OCA2: variants seen among roughly 807,000 people sequenced by gnomAD.
The protein encoded by OCA2 is P protein.
Under a neutral mutation model 100.2 loss-of-function variants are expected in OCA2, and 77 were observed. The observed-to-expected ratio is 0.77, with a 90% confidence interval of 0.64 to 0.93. The LOEUF (loss-of-function observed/expected upper bound fraction) is 0.93, where lower values mean the gene tolerates loss of function less well. Among genes scored for constraint, OCA2 ranks in the 40% least tolerant of loss-of-function variants. The pLI, the probability that OCA2 is intolerant of heterozygous loss-of-function variation, is 0.00. For synonymous variants in OCA2, 432 were observed against 439.2 expected (o/e 0.98, Z 0.21); for missense variants, 1,062 against 1,089.1 (o/e 0.98, Z 0.35).
rs180685701 is a variant in OCA2, at chr15:28,077,456, T to C, written c.227+4192A>G. ...TTTGTTCCATGTCATTACGATTGTA[T>C]GGACAAGACGTATTCCTCTAACAAA... On this transcript the variant is annotated intron_variant, in intron 2 of 23. Transcript: ENST00000354638. Among the ~76,000 whole-genome samples, 4 of 152,294 alleles carry C rather than the reference T, an allele frequency of 2.6e-5. No homozygotes were observed. In the East Asian group the frequency reaches 7.7e-4, roughly 29 times the overall value.
intron 22 of OCA2, 87 bp from the exon 23 acceptor site, chr15:27,845,139 A>C: frequency 4.1e-6 from 4 of 972,324 alleles, no homozygotes; most frequent in East Asian, 2.5e-5. Flanking sequence ...AGATCATCTC[A>C]CAGGCTTTGA....
At chr15:28,076,287 C>T (rs866493433) in intron 2 of OCA2, among the ~76,000 whole-genome samples, 22 of 152,154 alleles carry the variant, frequency 1.4e-4, no homozygotes, top group African/African-American at 5.3e-4. Flanking sequence ...TAATGAAATA[C>T]AGTAACCAAT....
At chr15:27,821,219 T>G (rs1460519614) in intron 23 of OCA2, among the ~76,000 whole-genome samples, 2 of 152,192 alleles carry the variant, frequency 1.3e-5, no homozygotes, top group African/African-American at 4.8e-5. Context: ...ATGCACACTC[T>G]TAAGATGGTT....
intron 23 of OCA2, among the ~76,000 whole-genome samples, chr15:27,769,685 T>G (rs1251114034): frequency 6.6e-6 from 1 of 152,220 alleles, no homozygotes; most frequent in Non-Finnish European, 1.5e-5. Context: ...ACTATGGTTT[T>G]TAAACAAAAA....
At chr15:28,074,783 G>A (rs900336539) in intron 2 of OCA2, among the ~76,000 whole-genome samples, 14 of 151,954 alleles carry the variant, frequency 9.2e-5, no homozygotes, top group African/African-American at 3.1e-4. Context: ...GAAGGCAGAG[G>A]TTGCAGTAAG....
At chr15:27,893,679 A>G (rs2037561524) in intron 19 of OCA2, among the ~76,000 whole-genome samples, 2 of 152,132 alleles carry the variant, frequency 1.3e-5, no homozygotes, top group African/African-American at 4.8e-5. Flanking sequence ...GAACCCTCGG[A>G]CTTACTAGGG....
At chr15:27,842,571 T>G (rs1030161815) in intron 23 of OCA2, among the ~76,000 whole-genome samples, 1 of 152,212 alleles carries the variant, frequency 6.6e-6, no homozygotes, top group Non-Finnish European at 1.5e-5. Flanking sequence ...GGGCAAAAAC[T>G]GCTCTGATTT....
chr15:27,806,473 C>G (rs2033854072), intron 23 of OCA2, among the ~76,000 whole-genome samples: 1 of 152,140 alleles, frequency 6.6e-6, no homozygotes, highest in African/African-American at 2.4e-5. Context: ...AGGTGGCACC[C>G]CGGCTCCGCT....
intron 14 of OCA2, among the ~76,000 whole-genome samples, chr15:27,977,313 C>T (rs1311389692): frequency 2.6e-5 from 4 of 152,038 alleles, no homozygotes. Flanking sequence ...TAGGATAAAG[C>T]TGAGGTTATG....
chr15:28,061,134 G>A (rs2043860152), intron 2 of OCA2, among the ~76,000 whole-genome samples: 1 of 152,218 alleles, frequency 6.6e-6, no homozygotes, highest in African/African-American at 2.4e-5. Context: ...TGCCCAAGAG[G>A]GACCTGTGAA....
intron 2 of OCA2, among the ~76,000 whole-genome samples, chr15:28,035,911 G>A (rs1181665510): frequency 1.3e-5 from 2 of 151,852 alleles, no homozygotes; most frequent in African/African-American, 4.9e-5. Flanking sequence ...GATACCCAAT[G>A]TTAACATTTA....
At chr15:27,800,076 G>A (rs1047729367) in intron 23 of OCA2, among the ~76,000 whole-genome samples, 2 of 152,170 alleles carry the variant, frequency 1.3e-5, no homozygotes, top group Non-Finnish European at 2.9e-5. Flanking sequence ...CAAATATTTG[G>A]AAAGTAAATA....
chr15:28,013,377 G>T (rs2042295574), intron 9 of OCA2, among the ~76,000 whole-genome samples: 1 of 152,124 alleles, frequency 6.6e-6, no homozygotes, highest in South Asian at 2.1e-4. Context: ...CTGGCTTCTG[G>T]GTACTCAGCT....
intron 23 of OCA2, among the ~76,000 whole-genome samples, chr15:27,807,619 T>C (rs2033911448): frequency 6.6e-6 from 1 of 152,168 alleles, no homozygotes; most frequent in Non-Finnish European, 1.5e-5. Flanking sequence ...AATTATGGCC[T>C]GGAGACTTGC....
At chr15:27,985,800 C>A (rs2041334782) in intron 12 of OCA2, among the ~76,000 whole-genome samples, 1 of 151,452 alleles carries the variant, frequency 6.6e-6, no homozygotes, top group Non-Finnish European at 1.5e-5. Context: ...TCAAGCAATT[C>A]TCTCGCCTCA....
intron 19 of OCA2, among the ~76,000 whole-genome samples, chr15:27,883,787 C>T (rs867227118): frequency 1.3e-5 from 2 of 152,124 alleles, no homozygotes; most frequent in Non-Finnish European, 2.9e-5. Context: ...CTGCAGCCTG[C>T]GTTTCTGTGC....
intron 7 of OCA2, 34 bp downstream of exon 7, chr15:28,018,363 T>C: frequency 6.2e-7 from 1 of 1,607,718 alleles, no homozygotes. Flanking sequence ...AAATGAGATT[T>C]CACAATTCCT....
the OCA2 span, among the ~76,000 whole-genome samples, chr15:27,730,451 G>A: frequency 6.6e-6 from 1 of 152,026 alleles, no homozygotes; most frequent in African/African-American, 2.4e-5. Context: ...GTTGTTTAAG[G>A]GTTTTATGGA....
At chr15:28,068,074 T>G (rs2044080289) in intron 2 of OCA2, among the ~76,000 whole-genome samples, 1 of 152,224 alleles carries the variant, frequency 6.6e-6, no homozygotes, top group African/African-American at 2.4e-5. Flanking sequence ...ATCCTTACTA[T>G]GTTATGCCCT....
Sources: allele counts gnomAD v4.1 joint callset (sites outside exome capture counted in the v4.1 genomes callset), GRCh38; gene constraint gnomAD v4.1.1; transcripts MANE v1.5; gene names NCBI Gene and HGNC (gene_info 2026-07-23, HGNC 2026-07-21).